Variants in FOCAD observed in about 807,000 individuals in gnomAD.
The protein encoded by FOCAD is focadhesin, also known as KIAA1797.
Under a neutral mutation model 225.6 loss-of-function variants are expected in FOCAD, and 198 were observed. That is an observed-to-expected ratio of 0.88 (90% CI 0.78 to 0.99). The LOEUF (loss-of-function observed/expected upper bound fraction) is 0.99, where lower values mean the gene tolerates loss of function less well. FOCAD is among the 50% of genes least tolerant of loss of function. FOCAD has a pLI of 0.00. For missense variants in FOCAD, 2,713 were observed against 2,123.6 expected, an observed-to-expected ratio of 1.28 and a Z score of -5.46; for synonymous variants, 897 against 755.0, an observed-to-expected ratio of 1.19 and a Z score of -3.08.
At chr9:20,742,186 T>G (rs943148208) in intron 5 of FOCAD, among the ~76,000 whole-genome samples, 2 of 152,202 alleles carry the variant, frequency 1.3e-5, no homozygotes, top group Non-Finnish European at 2.9e-5. Context: ...TAGAACCACC[T>G]GGGTGTGCTT....
At position 20,981,452 on chromosome 9, in the gene FOCAD, A is replaced by G. The variant is rs1840691055; in HGVS notation, c.4404A>G (p.Ile1468Met). ...TGAATACCAAGAGATATCTCCTGAT[A>G]TCTGCACCTCTGTGGATAAAACACA... ...LSLNTKRYLLISAPLWIKHIS... is the reference protein window; with the variant it reads ...LSLNTKRYLLMSAPLWIKHIS... The change falls in exon 38 of 44, where the codon ATA (isoleucine) becomes ATG (methionine). Residue 1468 changes from isoleucine to methionine, a missense_variant. Transcript: ENST00000338382. 1.2e-6 allele frequency: 2 copies of G among 1,614,052 alleles called. No homozygotes were observed. The highest frequency in any genetic ancestry group is 2.2e-5 in the South Asian group (2 of 91,090).
intron 42 of FOCAD, among the ~76,000 whole-genome samples, chr9:20,991,232 CATTATATGTTTCT>C (rs1409842659): frequency 4.6e-5 from 7 of 152,304 alleles, no homozygotes; most frequent in Non-Finnish European, 8.8e-5. Flanking sequence ...CTGTACTTCT[CATTATATGTTTCT>C]GACCTGTCCT....
chr9:20,687,407 T>A (rs1822731294), intron 1 of FOCAD, among the ~76,000 whole-genome samples: 1 of 152,244 alleles, frequency 6.6e-6, no homozygotes, highest in African/African-American at 2.4e-5. Context: ...GTGGGTGTTG[T>A]AACTGTAGTT....
intron 5 of FOCAD, among the ~76,000 whole-genome samples, chr9:20,752,841 G>C (rs1033422558): frequency 6.6e-6 from 1 of 151,872 alleles, no homozygotes; most frequent in Non-Finnish European, 1.5e-5. Context: ...TCCTTGAGCA[G>C]TGGTTTGTAG....
chr9:20,927,528 T>C (rs1394586069), intron 26 of FOCAD, among the ~76,000 whole-genome samples: 1 of 152,022 alleles, frequency 6.6e-6, no homozygotes, highest in Non-Finnish European at 1.5e-5. Context: ...TTGTTGATCA[T>C]TTAAAAAAAA....
intron 35 of FOCAD, among the ~76,000 whole-genome samples, chr9:20,969,777 AC>A (rs1400259860): frequency 2.0e-5 from 3 of 151,244 alleles, no homozygotes; most frequent in African/African-American, 7.3e-5. Context: ...AATTACCTTT[AC>A]CAGAATTCTT....
chr9:20,986,911 G>T (rs1361725360), intron 40 of FOCAD, among the ~76,000 whole-genome samples: 1 of 152,100 alleles, frequency 6.6e-6, no homozygotes, highest in Non-Finnish European at 1.5e-5. Context: ...ATCAAATCCT[G>T]CCACCCTGTC....
intron 18 of FOCAD, among the ~76,000 whole-genome samples, chr9:20,873,522 T>A (rs1429756022): frequency 3.3e-5 from 5 of 152,200 alleles, no homozygotes; most frequent in African/African-American, 1.2e-4. Context: ...TCTCTGTAAG[T>A]ATGGCTGATT....
chr9:20,974,187 C>T (rs1325594052), intron 35 of FOCAD, among the ~76,000 whole-genome samples: 1 of 147,056 alleles, frequency 6.8e-6, no homozygotes, highest in Admixed American at 6.8e-5. Flanking sequence ...TCTTGCTTCC[C>T]CATTTTAGCA....
chr9:20,965,617 A>T (rs1345038655), intron 35 of FOCAD, among the ~76,000 whole-genome samples: 1 of 152,208 alleles, frequency 6.6e-6, no homozygotes, highest in Non-Finnish European at 1.5e-5. Flanking sequence ...TTGTGGTGCC[A>T]TCACGACTAT....
chr9:20,961,146 C>A (rs1033713157), intron 35 of FOCAD, among the ~76,000 whole-genome samples: 1 of 151,684 alleles, frequency 6.6e-6, no homozygotes, highest in Non-Finnish European at 1.5e-5. Flanking sequence ...CTCTCCTCTC[C>A]TCTCCACTCC....
At chr9:20,798,161 GTA>G (rs532382617) in intron 11 of FOCAD, among the ~76,000 whole-genome samples, 203 of 152,192 alleles carry the variant, frequency 1.3e-3, no homozygotes, top group African/African-American at 4.6e-3. Context: ...ATTGATTTGC[GTA>G]TGTTGAACCA....
chr9:20,720,685 TATC>T, intron 4 of FOCAD, 151 bp downstream of exon 4: 3 of 762,500 alleles, frequency 3.9e-6, no homozygotes, highest in Non-Finnish European at 6.2e-6. Context: ...TATATGAAAA[TATC>T]ATGCTAATTT....
chr9:20,975,506 C>A (rs1840152447), intron 35 of FOCAD, among the ~76,000 whole-genome samples: 2 of 152,100 alleles, frequency 1.3e-5, no homozygotes, highest in Admixed American at 6.6e-5. Context: ...AGAGACTAGG[C>A]AATACATAGT....
intron 28 of FOCAD, among the ~76,000 whole-genome samples, chr9:20,943,444 G>T (rs988132142): frequency 3.7e-5 from 5 of 134,946 alleles, no homozygotes; most frequent in Non-Finnish European, 8.3e-5. Context: ...TGGGGCAGAA[G>T]GCTAGGAATA....
intron 1 of FOCAD, among the ~76,000 whole-genome samples, chr9:20,703,191 G>C (rs1355861450): frequency 1.3e-5 from 2 of 151,934 alleles, no homozygotes; most frequent in East Asian, 3.9e-4. Context: ...TGGGGGTGGT[G>C]GGGGGATAGG....
intron 11 of FOCAD, among the ~76,000 whole-genome samples, chr9:20,791,653 T>G (rs1288565136): frequency 6.6e-6 from 1 of 152,154 alleles, no homozygotes; most frequent in Non-Finnish European, 1.5e-5. Context: ...AAGAGAGAAG[T>G]AAAGAATGCT....
At chr9:20,681,359 G>A (rs930628166), upstream of FOCAD, among the ~76,000 whole-genome samples, 5 of 152,164 alleles carry the variant, frequency 3.3e-5, no homozygotes, top group South Asian at 4.1e-4. Flanking sequence ...GCCTCCCAAA[G>A]TGCTGGGATT....
At chr9:20,832,289 T>C (rs890704820) in intron 15 of FOCAD, among the ~76,000 whole-genome samples, 4 of 152,104 alleles carry the variant, frequency 2.6e-5, no homozygotes, top group South Asian at 2.1e-4. Context: ...AGTTCTGTTT[T>C]ACATTCTCTC....
Sources: gnomAD v4.1 joint callset for allele counts (sites outside exome capture counted in the v4.1 genomes callset) on GRCh38, gnomAD v4.1.1 for gene constraint, MANE v1.5 for transcripts, NCBI Gene and HGNC (gene_info 2026-07-23, HGNC 2026-07-21) for gene names.